The following PCDHA3 variants were observed in gnomAD, a reference collection of about 807,000 sequenced individuals.
PCDHA3 encodes protocadherin alpha 3.
Under a neutral mutation model 62.2 loss-of-function variants are expected in PCDHA3, and 41 were observed. The ratio of observed to expected loss-of-function variants is 0.66; its 90% CI spans 0.51 to 0.86. PCDHA3 has a LOEUF of 0.86. Ranked by LOEUF, PCDHA3 falls within the 40% of genes least tolerant of loss-of-function variation. PCDHA3 has a pLI of 0.00. For synonymous variants in PCDHA3, 640 were observed against 555.4 expected (o/e 1.15, Z -2.14); for missense variants, 1,304 against 1,241.2 (o/e 1.05, Z -0.76).
intron 1 of PCDHA3, chr5:140,857,618 C>T: frequency 6.3e-7 from 1 of 1,596,552 alleles, no homozygotes; most frequent in Non-Finnish European, 8.6e-7. Flanking sequence ...GCCGCTGGAC[C>T]ACGAGGAGCT....
chr5:140,967,057 AGC>A, intron 1 of PCDHA3: 1 of 1,612,704 alleles, frequency 6.2e-7, no homozygotes, highest in Non-Finnish European at 8.5e-7. Context: ...TGACGAGTGG[AGC>A]GCTCTTCGTC....
intron 1 of PCDHA3, chr5:140,843,593 GTGTGCTC>G: frequency 1.3e-6 from 2 of 1,596,072 alleles, no homozygotes; most frequent in Non-Finnish European, 1.7e-6. Context: ...GCCGCAGAGG[GTGTGCTC>G]TGGTGAGGGG....
At chr5:140,925,238 T>C (rs2082404327) in intron 1 of PCDHA3, among the ~76,000 whole-genome samples, 1 of 152,248 alleles carries the variant, frequency 6.6e-6, no homozygotes, top group African/African-American at 2.4e-5. Context: ...CCAGAAAATA[T>C]GTCCTGGAAA....
At chr5:140,858,411 CTAT>C (rs782056031) in intron 1 of PCDHA3, 1 of 1,564,168 alleles carries the variant, frequency 6.4e-7, no homozygotes. Flanking sequence ...GAAGATCAGT[CTAT>C]TGGAGGGGAC....
intron 1 of PCDHA3, among the ~76,000 whole-genome samples, chr5:140,845,188 T>C (rs1416130402): frequency 1.3e-5 from 2 of 149,344 alleles, no homozygotes; most frequent in African/African-American, 4.9e-5. Flanking sequence ...CTTTAAAAAA[T>C]ATGATTGTTT....
chr5:140,836,523 AC>A, intron 1 of PCDHA3: 18 of 1,613,762 alleles, frequency 1.1e-5, no homozygotes, highest in Non-Finnish European at 1.4e-5. Context: ...GTTGGTGCTT[AC>A]CCTGCTGCTG....
At chr5:140,968,106 C>T (rs1554230344) in intron 1 of PCDHA3, 8 of 1,614,016 alleles carry the variant, frequency 5.0e-6, no homozygotes, top group East Asian at 2.2e-5. Flanking sequence ...GGGGGAATAC[C>T]GCAGCTCACA....
intron 1 of PCDHA3, among the ~76,000 whole-genome samples, chr5:140,937,724 AAC>A (rs2091708035): frequency 6.6e-6 from 1 of 152,064 alleles, no homozygotes; most frequent in Non-Finnish European, 1.5e-5. Flanking sequence ...CATCCTGGCT[AAC>A]ACGGTGAAAC....
rs571391051 is a variant in PCDHA3 at position 140,964,645 on chromosome 5, A to G, written c.2395-14304A>G. Among the ~76,000 whole-genome samples the G allele has an allele frequency of 4.6e-5, 7 of 152,152 alleles. No individual in the cohort carries two copies. The East Asian group carries it at 7.7e-4, about 17-fold the overall frequency. ...TATAAGCCATTTATTTTCAGAAACA[A>G]GTAATGGGTGAGGACACAGGCCAGG... is the stretch of plus-strand genomic sequence containing the variant. On this transcript the variant is annotated intron_variant, in intron 1 of 3. Coordinates refer to ENST00000522353, the MANE Select transcript of PCDHA3 (RefSeq NM_018906.3).
intron 1 of PCDHA3, among the ~76,000 whole-genome samples, chr5:140,937,785 G>A (rs962276976): frequency 7.3e-5 from 11 of 150,436 alleles, no homozygotes; most frequent in Non-Finnish European, 1.3e-4. Flanking sequence ...GGTGGCGGGC[G>A]TATGTAGTCC....
In PCDHA3 at chr5:140,803,204, G is replaced by A; in HGVS notation, c.2007G>A (p.Leu669=). Residue 669 remains leucine (L), a synonymous_variant, in exon 1 of 4, where the codon CTG becomes CTA. Coordinates refer to ENST00000522353, the MANE Select transcript of PCDHA3 (RefSeq NM_018906.3). ...LTATATVLVS[L]VESGQAPKAS... ...CCACGGCCACTGTGCTGGTGTCGCT[G>A]GTGGAGAGTGGCCAGGCACCCAAGG... 1 of 1,613,900 alleles carries A rather than the reference G, an allele frequency of 6.2e-7. No individual in the cohort carries two copies. Among genetic ancestry groups the A allele is most frequent in the Non-Finnish European group, 8.5e-7 (1 of 1,179,926 alleles).
chr5:140,809,205 G>C (rs782023023), intron 1 of PCDHA3: 1 of 1,614,084 alleles, frequency 6.2e-7, no homozygotes, highest in Admixed American at 1.7e-5. Context: ...GTGGAGAGTG[G>C]ACAGGCGCCA....
At chr5:140,997,091 G>A (rs73268064) in intron 3 of PCDHA3, among the ~76,000 whole-genome samples, 546 of 152,154 alleles carry the variant, frequency 3.6e-3, no homozygotes, top group Middle Eastern at 0.014. Flanking sequence ...AGAAAGTGCA[G>A]AGTTCTCATG....
chr5:140,808,166 C>T (rs1554124439), intron 1 of PCDHA3: 2 of 1,614,162 alleles, frequency 1.2e-6, no homozygotes, highest in Non-Finnish European at 1.7e-6. Context: ...TGATAAGGGA[C>T]AGCTCCCACT....
chr5:140,959,382 A>C (rs1332960560), intron 1 of PCDHA3, among the ~76,000 whole-genome samples: 1 of 152,200 alleles, frequency 6.6e-6, no homozygotes, highest in African/African-American at 2.4e-5. Flanking sequence ...TCAAAAAAAA[A>C]AGTCACAAAT....
rs183844925 is a variant in PCDHA3, at chr5:140,839,263, T to C, written c.2394+35672T>C. Among the ~76,000 whole-genome samples the C allele has an allele frequency of 3.7e-4, 56 of 152,234 alleles. 2 individuals carry two copies. Among genetic ancestry groups the C allele is most frequent in the African/African-American group, 1.3e-3 (52 of 41,512 alleles). On this transcript the variant is annotated intron_variant, in intron 1 of 3. Transcript: ENST00000522353. ...CTTTGCTTTTATGCTTACATGCATG[T>C]ATATTTAAAACCTTCCTAGCATATT...
At chr5:140,928,630 G>A in intron 1 of PCDHA3, 1 of 1,614,210 alleles carries the variant, frequency 6.2e-7, no homozygotes, top group East Asian at 2.2e-5. Context: ...TGGACACTTG[G>A]TCACAAAAGT....
intron 1 of PCDHA3, among the ~76,000 whole-genome samples, chr5:140,960,972 T>G (rs936519951): frequency 4.9e-4 from 75 of 152,306 alleles, no homozygotes; most frequent in Non-Finnish European, 2.2e-4. Flanking sequence ...GCAGTTGCAA[T>G]TCTTGTTCCA....
At chr5:140,841,749 C>T in intron 1 of PCDHA3, 1 of 1,613,878 alleles carries the variant, frequency 6.2e-7, no homozygotes, top group Non-Finnish European at 8.5e-7. Flanking sequence ...CTGTTTGTTT[C>T]AGAATCCAGA....
Sources: gnomAD v4.1 joint callset for allele counts (sites outside exome capture counted in the v4.1 genomes callset) on GRCh38, gnomAD v4.1.1 for gene constraint, MANE v1.5 for transcripts, NCBI Gene and HGNC (gene_info 2026-07-23, HGNC 2026-07-21) for gene names.